CDK14: variants seen among roughly 807,000 people sequenced by gnomAD.
CDK14 encodes cyclin dependent kinase 14, also known as cyclin-dependent kinase 14.
Under a neutral mutation model 60.7 loss-of-function variants are expected in CDK14, and 34 were observed. That is an observed-to-expected ratio of 0.56 (90% CI 0.43 to 0.75). The LOEUF is 0.75. CDK14 is among the 30% of genes least tolerant of loss of function. The pLI is 0.00. For missense variants in CDK14, 482 were observed against 564.1 expected (o/e 0.85, Z 1.47); for synonymous variants, 197 against 203.7 (o/e 0.97, Z 0.28).
chr7:90,702,561 A>C (rs1801806373), intron 2 of CDK14, among the ~76,000 whole-genome samples: 1 of 146,026 alleles, frequency 6.8e-6, no homozygotes, highest in South Asian at 2.1e-4. Flanking sequence ...ATGCCACAGG[A>C]AAGTCAATTA....
rs192526323 is a variant in CDK14, at chr7:90,715,223, G to T, written c.124-11344G>T. 2.2e-3 allele frequency among the ~76,000 whole-genome samples: 341 copies of T among 152,176 alleles called. 2 individuals carry two copies. Among genetic ancestry groups the T allele is most frequent in the African/African-American group, 7.6e-3 (315 of 41,542 alleles). On this transcript the variant is annotated intron_variant, in intron 2 of 14. Coordinates refer to ENST00000380050, the MANE Select transcript of CDK14 (RefSeq NM_001287135.2). ...AGGGGTGGTTTAGTGAAACTCAAAAGTGAAAACAAACAGAATTCAGAAGGC... is the reference window on the plus strand; with the variant it reads ...AGGGGTGGTTTAGTGAAACTCAAAATTGAAAACAAACAGAATTCAGAAGGC...
chr7:91,053,738 G>A (rs1021071660), intron 11 of CDK14, among the ~76,000 whole-genome samples: 4 of 152,160 alleles, frequency 2.6e-5, no homozygotes, highest in African/African-American at 9.7e-5. Context: ...TCTTTTAGAA[G>A]GTGATAGAAA....
At chr7:90,785,099 A>G (rs1805521177) in intron 4 of CDK14, among the ~76,000 whole-genome samples, 1 of 152,152 alleles carries the variant, frequency 6.6e-6, no homozygotes, top group South Asian at 2.1e-4. Context: ...ACTTGGTATT[A>G]TTTTCCTTCG....
intron 8 of CDK14, among the ~76,000 whole-genome samples, chr7:90,936,934 A>G (rs77397403): frequency 1.3e-5 from 2 of 151,874 alleles, no homozygotes; most frequent in African/African-American, 2.4e-5. Flanking sequence ...TTTTAATTAG[A>G]TGGGCGTGGT....
At chr7:90,880,335 C>T (rs73222770) in intron 6 of CDK14, among the ~76,000 whole-genome samples, 9,401 of 152,290 alleles carry the variant, frequency 0.062, 407 homozygotes, top group South Asian at 0.093. Flanking sequence ...CATAGTGCTT[C>T]TTCAGGCCCA....
chr7:90,731,525 G>T (rs964238672), intron 3 of CDK14, among the ~76,000 whole-genome samples: 3 of 152,112 alleles, frequency 2.0e-5, no homozygotes, highest in Non-Finnish European at 2.9e-5. Flanking sequence ...TTCAGCAGTG[G>T]TTTGTAGTTC....
At chr7:90,712,027 G>A (rs1365468493) in intron 2 of CDK14, among the ~76,000 whole-genome samples, 1 of 150,470 alleles carries the variant, frequency 6.6e-6, no homozygotes, top group Non-Finnish European at 1.5e-5. Flanking sequence ...CGCAGCTACA[G>A]TCTACTTTTA....
intron 13 of CDK14, among the ~76,000 whole-genome samples, chr7:91,115,721 G>A (rs73230857): frequency 0.064 from 9,773 of 152,188 alleles, 399 homozygotes; most frequent in Admixed American, 0.13. Context: ...CATGAGAAGG[G>A]CATCAAGTGT....
At chr7:91,065,592 A>G (rs1416912755) in intron 11 of CDK14, among the ~76,000 whole-genome samples, 1 of 152,220 alleles carries the variant, frequency 6.6e-6, no homozygotes, top group African/African-American at 2.4e-5. Context: ...CAGAGTGTTG[A>G]CTGAAGTGTT....
At chr7:90,993,801 C>T (rs1795603788) in intron 10 of CDK14, among the ~76,000 whole-genome samples, 1 of 151,920 alleles carries the variant, frequency 6.6e-6, no homozygotes, top group Non-Finnish European at 1.5e-5. Flanking sequence ...TGTTGTCTTC[C>T]CAATTTGTGA....
intron 6 of CDK14, among the ~76,000 whole-genome samples, chr7:90,886,893 A>T (rs1273611345): frequency 6.6e-6 from 1 of 152,156 alleles, no homozygotes; most frequent in Non-Finnish European, 1.5e-5. Context: ...TTCTTTATCC[A>T]TGGATTGAGC....
At chr7:91,049,377 G>A (rs954115086) in intron 11 of CDK14, among the ~76,000 whole-genome samples, 1 of 152,188 alleles carries the variant, frequency 6.6e-6, no homozygotes, top group African/African-American at 2.4e-5. Flanking sequence ...TTTTAGAATA[G>A]TGGAGTTATG....
chr7:90,941,415 G>A (rs956751050), intron 8 of CDK14, among the ~76,000 whole-genome samples: 7 of 152,154 alleles, frequency 4.6e-5, no homozygotes, highest in African/African-American at 1.7e-4. Flanking sequence ...GGACATTGGG[G>A]CTCCTCAACA....
At chr7:91,110,776 C>G (rs1255588602) in intron 12 of CDK14, among the ~76,000 whole-genome samples, 1 of 152,114 alleles carries the variant, frequency 6.6e-6, no homozygotes, top group African/African-American at 2.4e-5. Context: ...TCTGGTTGTT[C>G]TATTTTATCA....
chr7:90,997,220 T>C (rs1228474977), intron 10 of CDK14, among the ~76,000 whole-genome samples: 2 of 152,204 alleles, frequency 1.3e-5, no homozygotes, highest in Non-Finnish European at 2.9e-5. Context: ...TAATAGAGTT[T>C]AGGATTTGAG....
chr7:91,083,350 A>G (rs2116236596), intron 12 of CDK14, among the ~76,000 whole-genome samples: 1 of 152,286 alleles, frequency 6.6e-6, no homozygotes, highest in African/African-American at 2.4e-5. Context: ...TCCACTGCCC[A>G]GCTCTATGGA....
chr7:91,115,646 A>G (rs1799585054), intron 13 of CDK14, among the ~76,000 whole-genome samples: 1 of 152,152 alleles, frequency 6.6e-6, no homozygotes, highest in African/African-American at 2.4e-5. Flanking sequence ...AAAGGAGAAG[A>G]TGGGAACAAA....
At chr7:91,079,294 A>G (rs1303151219) in intron 11 of CDK14, 138 bp from the exon 12 acceptor site, 3 of 590,794 alleles carry the variant, frequency 5.1e-6, no homozygotes, top group Admixed American at 3.5e-5. Context: ...ACTGCCCAGT[A>G]TAAAAGTGAA....
chr7:91,171,838 G>C (rs1393972680), intron 14 of CDK14, among the ~76,000 whole-genome samples: 1 of 152,044 alleles, frequency 6.6e-6, no homozygotes, highest in East Asian at 1.9e-4. Flanking sequence ...GCAGAGACCT[G>C]GTTTCACCAT....
Sources: allele counts gnomAD v4.1 joint callset (sites outside exome capture counted in the v4.1 genomes callset), GRCh38; gene constraint gnomAD v4.1.1; transcripts MANE v1.5; gene names NCBI Gene and HGNC (gene_info 2026-07-23, HGNC 2026-07-21).